Variants in GUCA1B observed in about 807,000 individuals in gnomAD.
GUCA1B encodes guanylate cyclase activator 1B.
GUCA1B carries 22 observed loss-of-function variants against 24.2 expected under a neutral mutation model. The ratio of observed to expected loss-of-function variants is 0.91; its 90% CI spans 0.65 to 1.30. GUCA1B has a LOEUF of 1.30. Ranked by LOEUF, GUCA1B falls within the 50% of genes most tolerant of loss-of-function variation. The pLI is 0.00. For missense variants in GUCA1B, 221 were observed against 258.8 expected (o/e 0.85, Z 1.00); for synonymous variants, 100 against 97.9 (o/e 1.02, Z -0.13).
Position 42,188,743 on chromosome 6 carries a change from G to A in GUCA1B, c.208-12C>T, listed in dbSNP as rs2113846057. 6.2e-7 allele frequency: 1 copy of A among 1,611,908 alleles called. No individual in the cohort carries two copies. Among genetic ancestry groups the A allele is most frequent in the Non-Finnish European group, 8.5e-7 (1 of 1,178,970 alleles). On this transcript the variant is annotated splice_polypyrimidine_tract_variant and intron_variant, in intron 1 of 3. Coordinates refer to ENST00000230361, the MANE Select transcript of GUCA1B (RefSeq NM_002098.6). ...TCGATGGTGTTGTCCTGCATTAGATGTGGATGCTGCTGAGGGCACAGCCCA... is the reference window on the plus strand; with the variant it reads ...TCGATGGTGTTGTCCTGCATTAGATATGGATGCTGCTGAGGGCACAGCCCA...
intron 1 of GUCA1B, among the ~76,000 whole-genome samples, chr6:42,189,402 T>C (rs1456167447): frequency 1.3e-5 from 2 of 152,226 alleles, no homozygotes; most frequent in African/African-American, 2.4e-5. Context: ...ATGGCCAGAA[T>C]TGTAAGCCAA....
chr6:42,192,227 G>T (rs185927340), intron 1 of GUCA1B, among the ~76,000 whole-genome samples: 34 of 150,644 alleles, frequency 2.3e-4, no homozygotes, highest in African/African-American at 8.1e-4. Flanking sequence ...GGTGGTGCTC[G>T]CCTGTAGTCC....
Position 42,183,917 on chromosome 6 carries a change from G to C in GUCA1B, c.*898C>G, listed in dbSNP as rs1044701248. Reference sequence around the variant, plus strand: ...TTAAGTACAGCTGACCCTTTCAAAGGCAGAAAGACCACAGCCTGCAGCGTA... The same window carrying C: ...TTAAGTACAGCTGACCCTTTCAAAGCCAGAAAGACCACAGCCTGCAGCGTA... On this transcript the variant is annotated 3_prime_UTR_variant, in exon 4 of 4. Transcript: ENST00000230361. 6.6e-6 allele frequency among the ~76,000 whole-genome samples: 1 copy of C among 152,064 alleles called. No homozygotes were observed.
intron 1 of GUCA1B, among the ~76,000 whole-genome samples, 170 bp from the exon 2 acceptor site, chr6:42,188,901 T>TATCTATCTATCTATCTATCTATCC (rs1768250733): frequency 2.6e-5 from 2 of 75,876 alleles, no homozygotes; most frequent in Non-Finnish European, 4.7e-5. Flanking sequence ...TCTATCTATC[T>TATCTATCTATCTATCTATCTATCC]ATATCTATAT....
chr6:42,187,193 C>T (rs1482422686), intron 2 of GUCA1B, among the ~76,000 whole-genome samples: 1 of 152,160 alleles, frequency 6.6e-6, no homozygotes, highest in African/African-American at 2.4e-5. Flanking sequence ...CAAGCTCCGC[C>T]TCCCAGGTTC....
chr6:42,188,445 A>G (rs1768235227), intron 2 of GUCA1B, 137 bp downstream of exon 2: 1 of 740,684 alleles, frequency 1.4e-6, no homozygotes, highest in Non-Finnish European at 2.4e-6. Flanking sequence ...ACACACTCAG[A>G]ATGAGAACAC....
chr6:42,189,205 C>T (rs1768260286), intron 1 of GUCA1B, among the ~76,000 whole-genome samples: 1 of 152,196 alleles, frequency 6.6e-6, no homozygotes, highest in Non-Finnish European at 1.5e-5. Context: ...CCATAGTGCT[C>T]TCTCCCTCCT....
intron 1 of GUCA1B, 123 bp downstream of exon 1, chr6:42,194,491 G>C (rs561610098): frequency 2.7e-6 from 2 of 738,714 alleles, no homozygotes; most frequent in Admixed American, 1.9e-5. Flanking sequence ...AAAGAGAGAC[G>C]GAGTGGAAAG....
intron 2 of GUCA1B, among the ~76,000 whole-genome samples, chr6:42,187,752 C>T (rs1439626845): frequency 6.6e-6 from 1 of 151,884 alleles, no homozygotes; most frequent in Admixed American, 6.6e-5. Flanking sequence ...TTCTAATTTC[C>T]TGAGATGGTT....
intron 1 of GUCA1B, 31 bp from the exon 2 acceptor site, chr6:42,188,762 C>T (rs1306175468): frequency 3.1e-6 from 5 of 1,601,392 alleles, no homozygotes; most frequent in South Asian, 1.1e-5. Context: ...GCTGAGGGCA[C>T]AGCCCACCTC....
At chr6:42,186,832 T>C (rs1300136354) in intron 2 of GUCA1B, among the ~76,000 whole-genome samples, 1 of 152,168 alleles carries the variant, frequency 6.6e-6, no homozygotes, top group East Asian at 1.9e-4. Flanking sequence ...TTTGGGCCGA[T>C]TACAGAATCT....
chr6:42,187,008 A>G (rs1768203887), intron 2 of GUCA1B, among the ~76,000 whole-genome samples: 1 of 152,204 alleles, frequency 6.6e-6, no homozygotes, highest in Non-Finnish European at 1.5e-5. Flanking sequence ...TTTTAAAAGA[A>G]ATAACTTCTG....
rs9381152 is a variant in GUCA1B at position 42,191,753 on chromosome 6, A to C, written c.207+2861T>G. Among the ~76,000 whole-genome samples the C allele has an allele frequency of 0.022, 3,298 of 152,298 alleles. 270 individuals carry two copies. The East Asian group carries it at 0.25, about 12-fold the overall frequency. ...AAAAAATAGTAACTTTACAATGTTGAAACATGGCAGATACCACCTTAACCA... is the reference window on the plus strand; with the variant it reads ...AAAAAATAGTAACTTTACAATGTTGCAACATGGCAGATACCACCTTAACCA... On this transcript the variant is annotated intron_variant, in intron 1 of 3. Coordinates refer to ENST00000230361, the MANE Select transcript of GUCA1B (RefSeq NM_002098.6).
intron 1 of GUCA1B, among the ~76,000 whole-genome samples, chr6:42,192,638 G>A (rs1768330756): frequency 6.6e-6 from 1 of 152,142 alleles, no homozygotes; most frequent in Non-Finnish European, 1.5e-5. Flanking sequence ...CTTGAACTCA[G>A]GAGGTGGAGA....
At chr6:42,191,835 G>C (rs774930510) in intron 1 of GUCA1B, among the ~76,000 whole-genome samples, 1 of 152,100 alleles carries the variant, frequency 6.6e-6, no homozygotes, top group Admixed American at 6.6e-5. Context: ...GTACCGGATG[G>C]TATGATGAAC....
chr6:42,187,968 C>A (rs1768225297), intron 2 of GUCA1B, among the ~76,000 whole-genome samples: 2 of 152,020 alleles, frequency 1.3e-5, no homozygotes, highest in African/African-American at 4.8e-5. Flanking sequence ...ACCTCAGTCT[C>A]CCAAGTAGCT....
At position 42,192,129 on chromosome 6, in the gene GUCA1B, G is replaced by T. The variant is rs369275811; in HGVS notation, c.207+2485C>A. ...CCAACACTTTGGGAGACCGAGGCGG[G>T]TGGATCATGAAGTCAAGAGATGGAG... On this transcript the variant is annotated intron_variant, in intron 1 of 3. Transcript: ENST00000230361. Among the ~76,000 whole-genome samples the T allele has an allele frequency of 4.5e-4, 68 of 151,608 alleles. 1 individual carries two copies. Among genetic ancestry groups the T allele is most frequent in the African/African-American group, 1.6e-3 (67 of 41,396 alleles).
In GUCA1B at chr6:42,183,437, G is replaced by A. The variant is rs755840643; in HGVS notation, c.*1378C>T. Among the ~76,000 whole-genome samples the A allele has an allele frequency of 1.3e-5, 2 of 152,068 alleles. No individual in the cohort carries two copies. Among genetic ancestry groups the A allele is most frequent in the African/African-American group, 2.4e-5 (1 of 41,418 alleles). On this transcript the variant is annotated 3_prime_UTR_variant, in exon 4 of 4. Coordinates refer to ENST00000230361, the MANE Select transcript of GUCA1B (RefSeq NM_002098.6). ...GGTTTTCAGTTTGCTTTTTTCAGAG[G>A]TGCCTCCAGTTCCAGAGGGTACTCA...
At position 42,183,829 on chromosome 6, in the gene GUCA1B, G is replaced by A. The variant is rs1768146048; in HGVS notation, c.*986C>T. On this transcript the variant is annotated 3_prime_UTR_variant, in exon 4 of 4. Coordinates refer to ENST00000230361, the MANE Select transcript of GUCA1B (RefSeq NM_002098.6). ...TGGATGGAAAGAGAGGATTGTTGGG[G>A]GAGTGGTGGGTTGGCAGCAGGGGGT... is the stretch of plus-strand genomic sequence containing the variant. 6.6e-6 allele frequency among the ~76,000 whole-genome samples: 1 copy of A among 152,196 alleles called. No homozygotes were observed. The highest frequency in any genetic ancestry group is 2.4e-5 in the African/African-American group (1 of 41,440).
Sources: gnomAD v4.1 joint callset for allele counts (sites outside exome capture counted in the v4.1 genomes callset) on GRCh38, gnomAD v4.1.1 for gene constraint, MANE v1.5 for transcripts, NCBI Gene and HGNC (gene_info 2026-07-23, HGNC 2026-07-21) for gene names.